Variants in ARHGAP22 observed in about 807,000 individuals in gnomAD.
ARHGAP22 encodes the protein rho GTPase-activating protein 22.
Under a neutral mutation model 59.1 loss-of-function variants are expected in ARHGAP22, and 48 were observed. The ratio of observed to expected loss-of-function variants is 0.81; its 90% CI spans 0.64 to 1.03. ARHGAP22 has a LOEUF of 1.03. ARHGAP22 is among the 50% of genes least tolerant of loss of function. The pLI, the probability that ARHGAP22 is intolerant of heterozygous loss-of-function variation, is 0.00. For missense variants in ARHGAP22, 1,015 were observed against 958.7 expected (o/e 1.06, Z -0.78); for synonymous variants, 445 against 416.4 (o/e 1.07, Z -0.84).
chr10:48,638,717 G>A, intron 1 of ARHGAP22, among the ~76,000 whole-genome samples: 1 of 152,034 alleles, frequency 6.6e-6, no homozygotes, highest in Non-Finnish European at 1.5e-5. Flanking sequence ...ATAATTCTAG[G>A]CACCGTGCAA....
intron 9 of ARHGAP22, among the ~76,000 whole-genome samples, chr10:48,448,192 A>G (rs1389666408): frequency 6.6e-6 from 1 of 151,904 alleles, no homozygotes; most frequent in African/African-American, 2.4e-5. Flanking sequence ...ACACATCTCC[A>G]GTCCCCAGCC....
At chr10:48,500,181 T>C (rs575071370) in intron 3 of ARHGAP22, among the ~76,000 whole-genome samples, 77 of 152,198 alleles carry the variant, frequency 5.1e-4, no homozygotes, top group African/African-American at 1.8e-3. Context: ...CTGTAGACAA[T>C]AATAATTAAA....
chr10:48,482,314 A>G (rs2049406056), intron 3 of ARHGAP22, among the ~76,000 whole-genome samples: 1 of 152,224 alleles, frequency 6.6e-6, no homozygotes, highest in Non-Finnish European at 1.5e-5. Context: ...TCTTTTGCAT[A>G]TGCACATTCC....
At chr10:48,595,836 G>A (rs2060033594) in intron 1 of ARHGAP22, among the ~76,000 whole-genome samples, 1 of 152,110 alleles carries the variant, frequency 6.6e-6, no homozygotes, top group Non-Finnish European at 1.5e-5. Context: ...ATTCTTCCTG[G>A]CCCTAATTGG....
At chr10:48,550,335 A>G (rs2056801641) in intron 3 of ARHGAP22, among the ~76,000 whole-genome samples, 1 of 152,210 alleles carries the variant, frequency 6.6e-6, no homozygotes, top group Non-Finnish European at 1.5e-5. Context: ...CTGTGAGGGT[A>G]GGAAGGTGTC....
chr10:48,622,158 GA>G (rs1252348418), intron 1 of ARHGAP22, among the ~76,000 whole-genome samples: 2 of 152,180 alleles, frequency 1.3e-5, no homozygotes. Context: ...TGCTGTTAAG[GA>G]AGGACTTACT....
chr10:48,625,690 G>A (rs1351200880), intron 1 of ARHGAP22, among the ~76,000 whole-genome samples: 9 of 125,684 alleles, frequency 7.2e-5, no homozygotes, highest in Middle Eastern at 3.9e-3. Context: ...TCCCTGCAAC[G>A]TGTACACACA....
intron 8 of ARHGAP22, chr10:48,451,703 A>AC: frequency 5.4e-6 from 3 of 551,236 alleles, no homozygotes; most frequent in Admixed American, 6.4e-5. Context: ...CACCCCATCC[A>AC]CCCCCAAAGT....
chr10:48,604,331 C>T lies in ARHGAP22; in HGVS notation c.34+432G>A, dbSNP rs117904493. 4.1e-3 allele frequency among the ~76,000 whole-genome samples: 623 copies of T among 152,378 alleles called. 2 individuals are homozygous for T. The highest frequency in any genetic ancestry group is 6.9e-3 in the Non-Finnish European group (467 of 68,034). ...CTGCAAAGCAGCGGGAACGAAGACC[C>T]TCGCTTGCACCCAGCTGTCTCTAGA... On this transcript the variant is annotated intron_variant, in intron 1 of 9. Transcript: ENST00000249601.
chr10:48,545,092 T>C (rs917173199), intron 3 of ARHGAP22, among the ~76,000 whole-genome samples: 15 of 152,210 alleles, frequency 9.9e-5, no homozygotes, highest in African/African-American at 3.6e-4. Context: ...TAAAAATACA[T>C]TATTAAGAAC....
chr10:48,632,359 G>A (rs1042083912), intron 1 of ARHGAP22, among the ~76,000 whole-genome samples: 7 of 152,082 alleles, frequency 4.6e-5, no homozygotes, highest in African/African-American at 1.7e-4. Context: ...GCAATCCTAT[G>A]TTGGTAGGGA....
intron 3 of ARHGAP22, among the ~76,000 whole-genome samples, chr10:48,551,435 C>T (rs2056883897): frequency 6.6e-6 from 1 of 152,206 alleles, no homozygotes; most frequent in Non-Finnish European, 1.5e-5. Context: ...CCCCATTTGC[C>T]ATCAGTCCTC....
intron 2 of ARHGAP22, among the ~76,000 whole-genome samples, chr10:48,569,466 A>T (rs1441152034): frequency 6.6e-6 from 1 of 152,172 alleles, no homozygotes; most frequent in East Asian, 1.9e-4. Context: ...ACACAATGAA[A>T]CATAAGTTAT....
intron 2 of ARHGAP22, among the ~76,000 whole-genome samples, chr10:48,564,920 T>C (rs541112911): frequency 6.6e-6 from 1 of 152,336 alleles, no homozygotes; most frequent in African/African-American, 2.4e-5. Flanking sequence ...ATGATCCGTC[T>C]TGGGAACAGC....
chr10:48,464,022 C>G (rs530049555), intron 4 of ARHGAP22, among the ~76,000 whole-genome samples: 116 of 152,316 alleles, frequency 7.6e-4, no homozygotes, highest in African/African-American at 2.8e-3. Context: ...GGCTCCAGCC[C>G]GGCCTGCTGT....
intron 1 of ARHGAP22, among the ~76,000 whole-genome samples, chr10:48,620,541 T>C (rs1255928239): frequency 2.6e-5 from 4 of 152,166 alleles, no homozygotes; most frequent in African/African-American, 4.8e-5. Flanking sequence ...TTTGCTTCAG[T>C]TGGGGCCTTG....
chr10:48,648,851 C>G (rs576593419), intron 1 of ARHGAP22, among the ~76,000 whole-genome samples: 4 of 152,272 alleles, frequency 2.6e-5, no homozygotes, highest in Non-Finnish European at 5.9e-5. Flanking sequence ...AGGCAGCCGA[C>G]AGAGGTAAGT....
chr10:48,503,555 ATGC>A (rs1279837780), intron 3 of ARHGAP22, among the ~76,000 whole-genome samples: 25 of 152,208 alleles, frequency 1.6e-4, no homozygotes, highest in African/African-American at 5.8e-4. Flanking sequence ...CACCACGTAC[ATGC>A]TTTGTGAAGC....
At chr10:48,497,921 G>A (rs1400900614) in intron 3 of ARHGAP22, among the ~76,000 whole-genome samples, 2 of 152,178 alleles carry the variant, frequency 1.3e-5, no homozygotes, top group Admixed American at 6.5e-5. Context: ...CAGGCCTGAA[G>A]AGATAAAGGG....
Sources: gnomAD v4.1 joint callset for allele counts (sites outside exome capture counted in the v4.1 genomes callset) on GRCh38, gnomAD v4.1.1 for gene constraint, MANE v1.5 for transcripts, NCBI Gene and HGNC (gene_info 2026-07-23, HGNC 2026-07-21) for gene names.